GMPR2: variants seen among roughly 807,000 people sequenced by gnomAD.
The protein encoded by GMPR2 is GMP reductase 2.
In GMPR2, 32 loss-of-function variants were observed where a neutral mutation model predicts 38.5. That is an observed-to-expected ratio of 0.83 (90% CI 0.63 to 1.12). The LOEUF (loss-of-function observed/expected upper bound fraction) is 1.12. Among genes scored for constraint, GMPR2 ranks in the 50% most tolerant of loss-of-function variants. The probability of loss-of-function intolerance (pLI) is 0.00; values close to 1 mark genes in which losing one functional copy is unlikely to be tolerated. For synonymous variants in GMPR2, 154 were observed against 151.0 expected (o/e 1.02, Z -0.15); for missense variants, 396 against 432.1 (o/e 0.92, Z 0.74).
intron 2 of GMPR2, 38 bp from the exon 3 acceptor site, chr14:24,233,441 G>T: frequency 6.2e-7 from 1 of 1,607,748 alleles, no homozygotes; most frequent in Non-Finnish European, 8.5e-7. Flanking sequence ...ACGTTTTTTG[G>T]ATTAATGAAA....
chr14:24,234,039 T>C (rs1383879202), intron 3 of GMPR2: 1 of 1,187,758 alleles, frequency 8.4e-7, no homozygotes, highest in Non-Finnish European at 1.1e-6. Context: ...TAATTTTCTT[T>C]AATAAGAACA....
chr14:24,233,706 C>A, intron 3 of GMPR2, 108 bp downstream of exon 3: 3 of 1,228,638 alleles, frequency 2.4e-6, no homozygotes, highest in Non-Finnish European at 3.6e-6. Flanking sequence ...TGGCAGTTAG[C>A]AGTCAGGATG....
Position 24,237,273 on chromosome 14 carries a change from T to G in GMPR2, c.576T>G (p.Thr192=). The part of the protein sequence containing the change: ...PGSVCTTRKK[T]GVGYPQLSAV... ...CTGTGTGTACTACTCGGAAGAAAAC[T>G]GGAGTGGGGTATCCACAGCTCAGCG... is the stretch of plus-strand genomic sequence containing the variant. Residue 192 remains threonine, a synonymous_variant, in exon 7 of 10, where the codon ACT becomes ACG. Coordinates refer to ENST00000399440, the MANE Select transcript of GMPR2 (RefSeq NM_001002002.3). 6.2e-7 allele frequency: 1 copy of G among 1,611,574 alleles called. No homozygotes were observed. Among genetic ancestry groups the G allele is most frequent in the East Asian group, 2.2e-5 (1 of 44,864 alleles).
rs748032612 is a variant in GMPR2 at position 24,235,806 on chromosome 14, C to A, written c.277C>A (p.Pro93Thr). The A allele has an allele frequency of 6.2e-6, 10 of 1,612,892 alleles. 1 individual carries two copies. In the South Asian group the frequency reaches 1.1e-4, roughly 18 times the overall value. The change falls in exon 4 of 10, where the codon CCT (proline) becomes ACT (threonine). Residue 93 changes from proline (P) to threonine (T), a missense_variant. Transcript: ENST00000399440. ...GTGGCAAGAGTTTGCTGGCCAGAAT[C>A]CTGACTGTCTTGAGGTAACACTGGG... ...VQWQEFAGQN[P>T]DCLEHLAASS...
At chr14:24,237,002 A>G in intron 5 of GMPR2, 69 bp from the exon 6 acceptor site, 1 of 1,142,484 alleles carries the variant, frequency 8.8e-7, no homozygotes, top group Admixed American at 1.8e-5. Context: ...TGGTCCATGC[A>G]TACCGTAACA....
Position 24,238,842 on chromosome 14 carries a change from C to T in GMPR2, c.*64C>T. 3 of 1,358,014 alleles carry T rather than the reference C, an allele frequency of 2.2e-6. No homozygotes were observed. Among genetic ancestry groups the T allele is most frequent in the South Asian group, 2.4e-5 (2 of 85,000 alleles). The allele number at this position is 1,358,014 out of a possible 1,614,324, so 84.1% of individuals were successfully genotyped here. On this transcript the variant is annotated 3_prime_UTR_variant, in exon 10 of 10. Coordinates refer to ENST00000399440, the MANE Select transcript of GMPR2 (RefSeq NM_001002002.3). ...ACCATGGGGCATCCCAAGTGGGGTC[C>T]TCACCCATCCCAGCTACTGCAGCTC...
rs774649704 is a variant in GMPR2 at position 24,237,181 on chromosome 14, AC to A, written c.547+35del. The A allele has an allele frequency of 9.7e-6, 15 of 1,539,066 alleles. No homozygotes were observed. In the East Asian group the frequency reaches 1.3e-4, roughly 14 times the overall value. The stretch of plus-strand genomic sequence containing the variant: ...AGCTGGTTCATTGGGGCCACTGGCT[AC>A]CCCCCTTCAGTGGCAAACACCTGTG... On this transcript the variant is annotated intron_variant, in intron 6 of 9. Coordinates refer to ENST00000399440, the MANE Select transcript of GMPR2 (RefSeq NM_001002002.3).
In GMPR2 at chr14:24,233,492, G is replaced by A. The variant is rs756123492; in HGVS notation, c.101G>A (p.Arg34Lys). The stretch of plus-strand genomic sequence containing the variant: ...TCATATCTGCAGGTGGATCTCACAA[G>A]ATCCTTTTCATTTCGGAACTCAAAG... ...LKSRSEVDLTRSFSFRNSKQT... is the reference protein window; with the variant it reads ...LKSRSEVDLTKSFSFRNSKQT... The change falls in exon 3 of 10, where the codon AGA (arginine) becomes AAA (lysine). Residue 34 changes from arginine (R) to lysine (K), a missense_variant. Arg to Lys is a conservative substitution (Grantham distance 26). Coordinates refer to ENST00000399440, the MANE Select transcript of GMPR2 (RefSeq NM_001002002.3). 5 of 1,613,894 alleles carry A rather than the reference G, an allele frequency of 3.1e-6. No homozygotes were observed. Among genetic ancestry groups the A allele is most frequent in the East Asian group, 2.2e-5 (1 of 44,902 alleles).
chr14:24,233,533 G>A lies in GMPR2; in HGVS notation c.142G>A (p.Val48Ile), dbSNP rs1238181519. The A allele has an allele frequency of 6.2e-7, 1 of 1,614,030 alleles. No individual in the cohort carries two copies. Among genetic ancestry groups the A allele is most frequent in the South Asian group, 1.1e-5 (1 of 91,076 alleles). Residue 48 changes from valine (V) to isoleucine (I), a missense_variant, in exon 3 of 10, where the codon GTT becomes ATT. Physicochemically the swap from Val to Ile is conservative, Grantham distance 29. Coordinates refer to ENST00000399440, the MANE Select transcript of GMPR2 (RefSeq NM_001002002.3). ...GAACTCAAAGCAGACATACTCTGGG[G>A]TTCCCATCATTGCTGCCAATATGGA... The part of the protein sequence containing the change: ...FRNSKQTYSG[V>I]PIIAANMDTV...
Position 24,233,113 on chromosome 14 carries a change from C to T in GMPR2, c.-35-106C>T, listed in dbSNP as rs1035726199. 3.4e-6 allele frequency: 5 copies of T among 1,461,940 alleles called. No homozygotes were observed. In the African/African-American group the frequency reaches 4.2e-5, roughly 12 times the overall value. The allele number at this position is 1,461,940 out of a possible 1,614,324, so 90.6% of individuals were successfully genotyped here. A position where few individuals can be genotyped will look rare whatever the true frequency, so the allele number is the denominator to read the frequency against. Reference sequence around the variant, plus strand: ...GTGACAGGCTTCAGGGACCACACTTCGGCCTTTGCCCGACCTTCCACAACT... The same window carrying T: ...GTGACAGGCTTCAGGGACCACACTTTGGCCTTTGCCCGACCTTCCACAACT... On this transcript the variant is annotated intron_variant, in intron 1 of 9. Coordinates refer to ENST00000399440, the MANE Select transcript of GMPR2 (RefSeq NM_001002002.3).
intron 5 of GMPR2, among the ~76,000 whole-genome samples, chr14:24,236,743 G>C (rs2040362487): frequency 6.6e-6 from 1 of 152,180 alleles, no homozygotes; most frequent in Non-Finnish European, 1.5e-5. Context: ...TTGCCTCACT[G>C]AATGCTCCTC....
upstream of GMPR2, chr14:24,232,740 T>C: frequency 4.5e-6 from 1 of 222,248 alleles, no homozygotes; most frequent in Non-Finnish European, 9.2e-6. Flanking sequence ...CGCCGGCAAC[T>C]AGAGGAACCT....
chr14:24,235,495 C>A, intron 3 of GMPR2: 1 of 526,928 alleles, frequency 1.9e-6, no homozygotes, highest in Non-Finnish European at 3.4e-6. Flanking sequence ...AGATGAAATC[C>A]AACCCAGATC....
At chr14:24,232,915 T>TCCATCTTG, upstream of GMPR2, 1 of 429,614 alleles carries the variant, frequency 2.3e-6, no homozygotes, top group South Asian at 3.2e-5. Context: ...ATTCCTTCGT[T>TCCATCTTG]CCCCTAAATC....
chr14:24,236,324 C>G (rs1222848235), intron 5 of GMPR2, among the ~76,000 whole-genome samples, 184 bp downstream of exon 5: 2 of 151,980 alleles, frequency 1.3e-5, no homozygotes, highest in East Asian at 1.9e-4. Flanking sequence ...TATCTCTGAC[C>G]CTTGGTTCAT....
At chr14:24,234,348 GA>G in intron 3 of GMPR2, 1 of 550,116 alleles carries the variant, frequency 1.8e-6, no homozygotes, top group East Asian at 7.2e-5. Context: ...TAGTCTTAAG[GA>G]CTTCATATCC....
intron 3 of GMPR2, 76 bp downstream of exon 3, chr14:24,233,674 C>A: frequency 6.7e-7 from 1 of 1,485,196 alleles, no homozygotes; most frequent in Non-Finnish European, 9.4e-7. Context: ...TGCATCCCCA[C>A]CCCCATGCCC....
intron 3 of GMPR2, chr14:24,234,253 T>C (rs1594518847): frequency 4.7e-6 from 6 of 1,288,446 alleles, no homozygotes; most frequent in Non-Finnish European, 6.1e-6. Flanking sequence ...TAGAGAGTTA[T>C]CTGGGCACTT....
intron 8 of GMPR2, 45 bp downstream of exon 8, chr14:24,237,607 T>A: frequency 6.6e-7 from 1 of 1,509,718 alleles, no homozygotes; most frequent in Non-Finnish European, 9.2e-7. Context: ...TACAAGAGGA[T>A]GAATCACCTC....
Sources: allele counts gnomAD v4.1 joint callset (sites outside exome capture counted in the v4.1 genomes callset), GRCh38; gene constraint gnomAD v4.1.1; transcripts MANE v1.5; gene names NCBI Gene and HGNC (gene_info 2026-07-23, HGNC 2026-07-21).